Variants in METTL25 observed in about 807,000 individuals in gnomAD.
The protein encoded by METTL25 is methyltransferase like 25, also known as probable methyltransferase-like protein 25.
Under a neutral mutation model 71.6 loss-of-function variants are expected in METTL25, and 64 were observed. The observed-to-expected ratio is 0.89, with a 90% CI of 0.73 to 1.10. METTL25 has a LOEUF of 1.10. METTL25 is among the 50% of genes least tolerant of loss of function. The probability of loss-of-function intolerance (pLI) is 0.00; values close to 1 mark genes in which losing one functional copy is unlikely to be tolerated. For missense variants in METTL25, 807 were observed against 707.0 expected, an observed-to-expected ratio of 1.14 and a Z score of -1.60; for synonymous variants, 287 against 250.3, an observed-to-expected ratio of 1.15 and a Z score of -1.38.
intron 1 of METTL25, among the ~76,000 whole-genome samples, chr12:82,370,614 A>G (rs563045814): frequency 1.3e-5 from 2 of 152,312 alleles, no homozygotes; most frequent in East Asian, 3.9e-4. Flanking sequence ...TTGGGATTGT[A>G]AAGAGAAGAC....
At chr12:82,385,340 A>G (rs1412589586) in intron 1 of METTL25, among the ~76,000 whole-genome samples, 2 of 152,086 alleles carry the variant, frequency 1.3e-5, no homozygotes, top group African/African-American at 4.8e-5. Context: ...TTAATTTAAT[A>G]AGTAACTACA....
intron 5 of METTL25, among the ~76,000 whole-genome samples, chr12:82,423,604 C>A (rs1414367112): frequency 6.6e-6 from 1 of 152,126 alleles, no homozygotes; most frequent in Non-Finnish European, 1.5e-5. Flanking sequence ...AGTGAACAGG[C>A]AACCTACAGA....
intron 5 of METTL25, among the ~76,000 whole-genome samples, chr12:82,415,879 GAC>G (rs2137076900): frequency 6.6e-6 from 1 of 152,168 alleles, no homozygotes; most frequent in South Asian, 2.1e-4. Context: ...CAGTCAAGTT[GAC>G]ACATGAAATT....
At chr12:82,445,909 C>T (rs1051960416) in intron 8 of METTL25, among the ~76,000 whole-genome samples, 7 of 152,298 alleles carry the variant, frequency 4.6e-5, no homozygotes, top group South Asian at 2.1e-4. Context: ...ACTATGATAT[C>T]GGTAAAGCTT....
chr12:82,363,874 GCTGATC>G (rs1882252719), intron 1 of METTL25, among the ~76,000 whole-genome samples: 1 of 152,150 alleles, frequency 6.6e-6, no homozygotes, highest in African/African-American at 2.4e-5. Flanking sequence ...GTCAATAAGT[GCTGATC>G]CTAATTGGGC....
At chr12:82,400,225 G>T (rs564651997) in intron 4 of METTL25, among the ~76,000 whole-genome samples, 11 of 151,854 alleles carry the variant, frequency 7.2e-5, no homozygotes, top group African/African-American at 2.4e-4. Context: ...CCAGCTACTC[G>T]GGAGGCTGAG....
intron 5 of METTL25, among the ~76,000 whole-genome samples, chr12:82,413,841 T>C (rs1175548892): frequency 1.3e-5 from 2 of 151,942 alleles, no homozygotes; most frequent in African/African-American, 2.4e-5. Context: ...GCTATGATTC[T>C]GCATTTGGAT....
At chr12:82,358,978 G>C (rs1454523121) in intron 1 of METTL25, 154 bp downstream of exon 1, 1 of 742,214 alleles carries the variant, frequency 1.3e-6, no homozygotes, top group East Asian at 2.7e-5. Flanking sequence ...GATTAGTTGA[G>C]GGGTGGGGTG....
chr12:82,368,527 C>T (rs1456185883), intron 1 of METTL25, among the ~76,000 whole-genome samples: 1 of 152,166 alleles, frequency 6.6e-6, no homozygotes, highest in Non-Finnish European at 1.5e-5. Flanking sequence ...TGCCTGGCCC[C>T]CTAAGGTACC....
chr12:82,447,541 ATAATT>A lies in METTL25; in HGVS notation c.1478+8753_1478+8757del, dbSNP rs1318334932. 7.2e-5 allele frequency among the ~76,000 whole-genome samples: 11 copies of A among 152,316 alleles called. 1 individual carries two copies. Among genetic ancestry groups the A allele is most frequent in the Admixed American group, 2.0e-4 (3 of 15,306 alleles). On this transcript the variant is annotated intron_variant, in intron 8 of 11. Coordinates refer to ENST00000248306, the MANE Select transcript of METTL25 (RefSeq NM_032230.3). ...ATAATTCAGAAAAGAGCAAAACTGA[ATAATT>A]TAGGAGTATAAATATGTGGTAAACA...
At chr12:82,358,934 C>T in intron 1 of METTL25, 110 bp downstream of exon 1, 2 of 1,142,510 alleles carry the variant, frequency 1.8e-6, no homozygotes, top group Admixed American at 2.4e-5. Context: ...GCGGCGGAGG[C>T]GGGGCGGCCC....
In METTL25 at chr12:82,430,996, A is replaced by T; in HGVS notation, c.1374+9A>T. ...GAATGTCAGCATGTTTGGTATGGTT[A>T]TATTTTTTCCTGGAGTAACAGCTTT... On this transcript the variant is annotated intron_variant, in intron 6 of 11. Transcript: ENST00000248306. 1 of 1,557,486 alleles carries T rather than the reference A, an allele frequency of 6.4e-7. No homozygotes were observed. The highest frequency in any genetic ancestry group is 1.8e-5 in the Admixed American group (1 of 56,678).
chr12:82,403,263 A>C, intron 5 of METTL25, 133 bp downstream of exon 5: 3 of 795,514 alleles, frequency 3.8e-6, no homozygotes, highest in South Asian at 4.0e-5. Context: ...CATCTGACTT[A>C]CTTGCACTTT....
At chr12:82,438,515 T>C in intron 7 of METTL25, 1 of 295,100 alleles carries the variant, frequency 3.4e-6, no homozygotes, top group Non-Finnish European at 6.3e-6. Flanking sequence ...ATGGTTTCTT[T>C]TTTTTTTTTT....
intron 8 of METTL25, chr12:82,439,872 T>TA: frequency 1.1e-6 from 1 of 921,590 alleles, no homozygotes; most frequent in Non-Finnish European, 1.3e-6. Flanking sequence ...ATGTGTTTAT[T>TA]TCCTTTATGA....
At chr12:82,439,938 A>T (rs761096082) in intron 8 of METTL25, 2 of 455,846 alleles carry the variant, frequency 4.4e-6, no homozygotes, top group African/African-American at 2.1e-5. Flanking sequence ...TAAAAACTCA[A>T]TACTTTCCAA....
At chr12:82,456,522 T>A (rs1891499012) in intron 8 of METTL25, among the ~76,000 whole-genome samples, 1 of 151,996 alleles carries the variant, frequency 6.6e-6, no homozygotes, top group Non-Finnish European at 1.5e-5. Context: ...CACTGCTATA[T>A]GTTATAAGAA....
At chr12:82,443,985 G>A (rs946875916) in intron 8 of METTL25, among the ~76,000 whole-genome samples, 7 of 152,120 alleles carry the variant, frequency 4.6e-5, no homozygotes, top group African/African-American at 1.4e-4. Flanking sequence ...CCTTCAAAAT[G>A]GAGTTGAAAA....
At chr12:82,385,032 A>G (rs561254160) in intron 1 of METTL25, among the ~76,000 whole-genome samples, 138 of 152,254 alleles carry the variant, frequency 9.1e-4, no homozygotes, top group African/African-American at 3.2e-3. Flanking sequence ...CTGAGTTAGT[A>G]AATTCAGTTT....
Sources: allele counts gnomAD v4.1 joint callset (sites outside exome capture counted in the v4.1 genomes callset), GRCh38; gene constraint gnomAD v4.1.1; transcripts MANE v1.5; gene names NCBI Gene and HGNC (gene_info 2026-07-23, HGNC 2026-07-21).